Variants in CHST13 observed in about 807,000 individuals in gnomAD.
CHST13 encodes C4ST-3.
Under a neutral mutation model 7.0 loss-of-function variants are expected in CHST13, and 1 was observed. The ratio of observed to expected loss-of-function variants is 0.14; its 90% CI spans 0.05 to 0.68. The LOEUF (loss-of-function observed/expected upper bound fraction) is 0.68, where lower values mean the gene tolerates loss of function less well. Ranked by LOEUF, CHST13 falls within the 30% of genes least tolerant of loss-of-function variation. The pLI, the probability that CHST13 is intolerant of heterozygous loss-of-function variation, is 0.82. For missense variants in CHST13, 572 were observed against 507.9 expected (o/e 1.13, Z -1.21); for synonymous variants, 257 against 240.9 (o/e 1.07, Z -0.62).
Position 126,536,262 on chromosome 3 carries a change from T to G in CHST13, c.98-9T>G. The stretch of plus-strand genomic sequence containing the variant: ...TATGGTGGCGACATCTCTCTCCTTA[T>G]GCCCACAGCATTTGGAAACAGAGCC... On this transcript the variant is annotated splice_polypyrimidine_tract_variant and intron_variant, in intron 1 of 2. Coordinates refer to ENST00000319340, the MANE Select transcript of CHST13 (RefSeq NM_152889.3). 3 of 1,613,154 alleles carry G rather than the reference T, an allele frequency of 1.9e-6. No homozygotes were observed. Among genetic ancestry groups the G allele is most frequent in the African/African-American group, 1.3e-5 (1 of 75,020 alleles).
At chr3:126,529,193 T>G (rs1316353353) in intron 1 of CHST13, 1 of 728,364 alleles carries the variant, frequency 1.4e-6, no homozygotes, top group Admixed American at 2.3e-5. Flanking sequence ...ATGGTCGTGC[T>G]TCTGCTGTAG....
intron 1 of CHST13, among the ~76,000 whole-genome samples, chr3:126,533,550 A>G (rs1936702350): frequency 6.6e-6 from 1 of 152,178 alleles, no homozygotes; most frequent in Non-Finnish European, 1.5e-5. Context: ...TATTTAGCCA[A>G]TCTTGCATTC....
In CHST13 at chr3:126,542,822, C is replaced by T. The variant is rs1281165476; in HGVS notation, c.*244C>T. 4.6e-6 allele frequency: 2 copies of T among 437,582 alleles called. No homozygotes were observed. Among genetic ancestry groups the T allele is most frequent in the East Asian group, 8.1e-5 (2 of 24,796 alleles). 27.1% of individuals were successfully genotyped at this position (437,582 alleles called of 1,614,324 possible). On this transcript the variant is annotated 3_prime_UTR_variant, in exon 3 of 3. Coordinates refer to ENST00000319340, the MANE Select transcript of CHST13 (RefSeq NM_152889.3). ...GGCCTGCTTCCTCCACTTGCTCCAG[C>T]TGACAGGCACCTCTCCAGGCCCCGT...
In CHST13 at chr3:126,524,339, A is replaced by G; in HGVS notation, c.7A>G (p.Arg3Gly). ...GCCGCGCGCCCGGCACAGCATGGGG[A>G]GGCGCTGCTGCCGGCGGCGCGTGCT... Reference protein sequence around the residue: MGRRCCRRRVLAA... With the variant: MGGRCCRRRVLAA... Residue 3 changes from arginine to glycine, a missense_variant, in exon 1 of 3, where the codon AGG becomes GGG. Transcript: ENST00000319340. 1.6e-6 allele frequency: 2 copies of G among 1,235,006 alleles called. No homozygotes were observed. The highest frequency in any genetic ancestry group is 4.3e-5 in the Admixed American group (1 of 23,296). The allele number at this position is 1,235,006 out of a possible 1,614,324, so 76.5% of individuals were successfully genotyped here. A position where few individuals can be genotyped will look rare whatever the true frequency, so the allele number is the denominator to read the frequency against.
chr3:126,536,918 CA>C (rs879773689), intron 2 of CHST13, among the ~76,000 whole-genome samples: 1,622 of 151,566 alleles, frequency 0.011, 17 homozygotes, highest in African/African-American at 0.037. Context: ...CACACACACA[CA>C]CACACCCCAC....
intron 2 of CHST13, among the ~76,000 whole-genome samples, chr3:126,538,147 G>A (rs1221151007): frequency 1.3e-5 from 2 of 152,244 alleles, no homozygotes; most frequent in African/African-American, 4.8e-5. Flanking sequence ...AGCAACAGCA[G>A]TGGCAGCCCA....
intron 1 of CHST13, among the ~76,000 whole-genome samples, chr3:126,530,231 A>G (rs928566758): frequency 1.3e-5 from 2 of 152,210 alleles, no homozygotes; most frequent in Non-Finnish European, 1.5e-5. Flanking sequence ...CAGCCCTGTA[A>G]TCACTGGCCA....
chr3:126,537,191 T>C (rs1051081740), intron 2 of CHST13, among the ~76,000 whole-genome samples: 1 of 151,938 alleles, frequency 6.6e-6, no homozygotes, highest in African/African-American at 2.4e-5. Context: ...CTCTCCAAGG[T>C]AGGGACATTG....
Position 126,537,777 on chromosome 3 carries a change from A to G in CHST13, c.180+1424A>G, listed in dbSNP as rs1000977417. 2.0e-5 allele frequency among the ~76,000 whole-genome samples: 3 copies of G among 152,358 alleles called. No individual in the cohort carries two copies. In the South Asian group the frequency reaches 6.2e-4, roughly 32 times the overall value. On this transcript the variant is annotated intron_variant, in intron 2 of 2. Coordinates refer to ENST00000319340, the MANE Select transcript of CHST13 (RefSeq NM_152889.3). The stretch of plus-strand genomic sequence containing the variant: ...TAACATAGTAAAAACCATCTGGCCA[A>G]CAAGTGCTGATCACGTGCCAGGCCC...
chr3:126,536,920 CA>C (rs1294410153), intron 2 of CHST13, among the ~76,000 whole-genome samples: 1,679 of 151,476 alleles, frequency 0.011, 18 homozygotes, highest in African/African-American at 0.038. Flanking sequence ...CACACACACA[CA>C]CACCCCACAC....
intron 1 of CHST13, among the ~76,000 whole-genome samples, chr3:126,524,924 C>A (rs545421130): frequency 1.3e-5 from 2 of 152,290 alleles, no homozygotes; most frequent in South Asian, 4.1e-4. Context: ...GGGCTTGGGA[C>A]TCCTGTGCAC....
At chr3:126,531,019 T>G (rs996015184) in intron 1 of CHST13, among the ~76,000 whole-genome samples, 3 of 152,266 alleles carry the variant, frequency 2.0e-5, no homozygotes, top group African/African-American at 7.2e-5. Context: ...GCTTTAGGGT[T>G]CTGGAGGCCA....
intron 2 of CHST13, among the ~76,000 whole-genome samples, chr3:126,541,353 T>G (rs140371369): frequency 6.6e-5 from 10 of 152,318 alleles, no homozygotes; most frequent in African/African-American, 1.9e-4. Flanking sequence ...GGTGTGGAAT[T>G]AAACAGCGCT....
intron 1 of CHST13, among the ~76,000 whole-genome samples, chr3:126,535,529 C>G (rs9828089): frequency 4.5e-4 from 20 of 44,068 alleles, no homozygotes; most frequent in South Asian, 2.5e-3. Flanking sequence ...CCGGGAGACA[C>G]ACAGACAGCA....
At chr3:126,536,634 T>C (rs1043558542) in intron 2 of CHST13, among the ~76,000 whole-genome samples, 14 of 152,174 alleles carry the variant, frequency 9.2e-5, no homozygotes, top group African/African-American at 2.9e-4. Context: ...AAACAGACCC[T>C]GTACCTGCCC....
chr3:126,536,208 A>T (rs1282161470), intron 1 of CHST13, 63 bp from the exon 2 acceptor site: 22 of 1,477,462 alleles, frequency 1.5e-5, no homozygotes, highest in African/African-American at 2.8e-5. Context: ...GGGTTGGCCA[A>T]ACCCCCAGGT....
chr3:126,536,069 AG>A (rs1439633043), intron 1 of CHST13, among the ~76,000 whole-genome samples: 1 of 152,128 alleles, frequency 6.6e-6, no homozygotes, highest in East Asian at 1.9e-4. Flanking sequence ...GAATGACACA[AG>A]ATACTACCCT....
chr3:126,529,280 T>C, intron 1 of CHST13: 1 of 1,272,140 alleles, frequency 7.9e-7, no homozygotes, highest in Non-Finnish European at 1.0e-6. Context: ...GGGTGTCCTG[T>C]GTGCAGCAAT....
chr3:126,536,121 C>T, intron 1 of CHST13, 150 bp from the exon 2 acceptor site: 1 of 625,468 alleles, frequency 1.6e-6, no homozygotes, highest in Admixed American at 2.7e-5. Context: ...CCATCCCCCA[C>T]TCCACCAAGC....
Sources: gnomAD v4.1 joint callset for allele counts (sites outside exome capture counted in the v4.1 genomes callset) on GRCh38, gnomAD v4.1.1 for gene constraint, MANE v1.5 for transcripts, NCBI Gene and HGNC (gene_info 2026-07-23, HGNC 2026-07-21) for gene names.